Variants in SPTBN5 observed in about 807,000 individuals in gnomAD.
The protein encoded by SPTBN5 is spectrin beta chain, non-erythrocytic 5.
In SPTBN5, 513 loss-of-function variants were observed where a neutral mutation model predicts 477.6. The observed-to-expected ratio is 1.07, with a 90% CI of 1.00 to 1.16. SPTBN5 has a LOEUF of 1.16. SPTBN5 is among the 50% of genes most tolerant of loss of function. The pLI is 0.00. For synonymous variants in SPTBN5, 2,169 were observed against 2,011.7 expected, an observed-to-expected ratio of 1.08 and a Z score of -2.09; for missense variants, 5,062 against 4,731.8, an observed-to-expected ratio of 1.07 and a Z score of -2.05.
chr15:41,865,413 T>G (rs1392173354), intron 39 of SPTBN5, among the ~76,000 whole-genome samples: 1 of 152,192 alleles, frequency 6.6e-6, no homozygotes, highest in East Asian at 1.9e-4. Flanking sequence ...CCAGCTTCCC[T>G]TACAGCAGCA....
chr15:41,875,118 C>T (rs375331469), intron 22 of SPTBN5, 62 bp from the exon 23 acceptor site: 19 of 1,475,672 alleles, frequency 1.3e-5, no homozygotes, highest in African/African-American at 4.2e-5. Context: ...GTGGCCTTCC[C>T]GGGCTCTGGG....
rs528143895 is a variant in SPTBN5 at position 41,860,656 on chromosome 15, G to A, written c.7918C>T (p.Arg2640Cys). 77 of 1,560,198 alleles carry A rather than the reference G, an allele frequency of 4.9e-5. 1 individual carries two copies. The South Asian group carries it at 8.0e-4, about 16-fold the overall frequency. Residue 2640 changes from arginine to cysteine, a missense_variant, in exon 47 of 68, where the codon CGC becomes TGC. Transcript: ENST00000320955. ...GKISALEATA[R>C]GLHQGGHPEA... Reference sequence around the variant, plus strand: ...GGGTGCCCACCCTGGTGCAGGCCGCGGGCCGTGGCCTCCAGAGCACTGATC... The same window carrying A: ...GGGTGCCCACCCTGGTGCAGGCCGCAGGCCGTGGCCTCCAGAGCACTGATC...
chr15:41,870,190 A>G, intron 31 of SPTBN5, 53 bp downstream of exon 31: 2 of 1,518,424 alleles, frequency 1.3e-6, no homozygotes, highest in East Asian at 4.9e-5. Flanking sequence ...CAGGCAGGCC[A>G]GCCTGAGGGG....
At position 41,886,040 on chromosome 15, in the gene SPTBN5, C is replaced by T; in HGVS notation, c.1215G>A (p.Trp405Ter). 1 of 1,570,006 alleles carries T rather than the reference C, an allele frequency of 6.4e-7. No individual in the cohort carries two copies. Residue 405 changes from tryptophan (W) to a stop codon, truncating the protein, a stop_gained, in exon 7 of 68, where the codon TGG (tryptophan) becomes TGA (stop). Transcript: ENST00000320955. LOFTEE classifies it high-confidence loss of function. Reference sequence around the variant, plus strand: ...GGGCCTGGCTCCTTGCAGCCTCTGCCCACTCCAGCCCTGCCCAGCACTGGG... The same window carrying T: ...GGGCCTGGCTCCTTGCAGCCTCTGCTCACTCCAGCCCTGCCCAGCACTGGG... ...ELSQCWAGLE[W>*]AEAARSQALQ... is the part of the protein sequence containing the mutation.
At chr15:41,857,145 G>A (rs1367037368) in intron 51 of SPTBN5, 93 bp downstream of exon 51, 9 of 1,514,344 alleles carry the variant, frequency 5.9e-6, no homozygotes, top group South Asian at 2.6e-5. Flanking sequence ...CATGGGCAAG[G>A]GGAGAAAGTG....
At chr15:41,892,061 C>T (rs1648808) in intron 3 of SPTBN5, among the ~76,000 whole-genome samples, 8,927 of 152,202 alleles carry the variant, frequency 0.059, 910 homozygotes, top group African/African-American at 0.2. Context: ...GCTCTTGCAC[C>T]TGCTCAGGAC....
At chr15:41,875,394 C>A (rs559129588) in intron 22 of SPTBN5, 64 bp downstream of exon 22, 4 of 1,536,592 alleles carry the variant, frequency 2.6e-6, no homozygotes, top group Non-Finnish European at 3.5e-6. Context: ...TCTCCCTCCC[C>A]GTTCTGTCCA....
At position 41,876,597 on chromosome 15, in the gene SPTBN5, C is replaced by T; in HGVS notation, c.3902G>A (p.Gly1301Glu). The T allele has an allele frequency of 6.2e-7, 1 of 1,607,912 alleles. No individual in the cohort carries two copies. The highest frequency in any genetic ancestry group is 8.5e-7 in the Non-Finnish European group (1 of 1,177,720). The stretch of plus-strand genomic sequence containing the variant: ...CTGCCTCCTCCTCTGCTCACTCCTC[C>T]CCTGGAGCCTGGTCCACTGTGCCTG... Reference protein sequence around the residue: ...SIQAQWTRLQGRSEQRRRQLL... With the variant: ...SIQAQWTRLQERSEQRRRQLL... The change falls in exon 20 of 68, where the codon GGG becomes GAG. Residue 1301 changes from glycine (G) to glutamate (E), a missense_variant. Coordinates refer to ENST00000320955, the MANE Select transcript of SPTBN5 (RefSeq NM_016642.4).
chr15:41,867,778 G>T, intron 34 of SPTBN5, 136 bp from the exon 35 acceptor site: 3 of 896,508 alleles, frequency 3.3e-6, no homozygotes, highest in Non-Finnish European at 5.4e-6. Flanking sequence ...GAGCTGTGAG[G>T]AGTGGGAGTC....
rs760141535 is a variant in SPTBN5, at chr15:41,876,147, G to T, written c.4089C>A (p.Leu1363=). ...KRHEAAESEL[L]ATRRHVEALQ... ...GGGCCTCCACGTGTCTGCGGGTGGCGAGTAGCTCGCTCTCAGCTGCTTCGT... is the reference window on the plus strand; with the variant it reads ...GGGCCTCCACGTGTCTGCGGGTGGCTAGTAGCTCGCTCTCAGCTGCTTCGT... The change falls in exon 21 of 68, where the codon CTC becomes CTA. Residue 1363 remains leucine (L), a synonymous_variant. Coordinates refer to ENST00000320955, the MANE Select transcript of SPTBN5 (RefSeq NM_016642.4). The T allele has an allele frequency of 7.9e-5, 127 of 1,603,728 alleles. No individual in the cohort carries two copies. The highest frequency in any genetic ancestry group is 1.0e-4 in the Non-Finnish European group (120 of 1,179,342).
rs776971366 is a variant in SPTBN5, at chr15:41,870,415, A to T, written c.5562+31T>A. The stretch of plus-strand genomic sequence containing the variant: ...AGCGTGGGCACTGAGCCTGGAGTGT[A>T]TCCACTTCTAGCCACCCCTCCGGCT... On this transcript the variant is annotated intron_variant, in intron 30 of 67. Coordinates refer to ENST00000320955, the MANE Select transcript of SPTBN5 (RefSeq NM_016642.4). 8 of 1,611,388 alleles carry T rather than the reference A, an allele frequency of 5.0e-6. No homozygotes were observed. In the South Asian group the frequency reaches 8.8e-5, roughly 18 times the overall value.
rs1455628369 is a variant in SPTBN5 at position 41,862,329 on chromosome 15, C to G, written c.7386-37G>C. The G allele has an allele frequency of 3.8e-6, 6 of 1,561,074 alleles. No individual in the cohort carries two copies. The African/African-American group carries it at 6.8e-5, about 18-fold the overall frequency. Reference sequence around the variant, plus strand: ...GCTCATCAGCTAGTCGTCAGGCCTTCAAACCCCTCTCCCCCATGCCCACTG... The same window carrying G: ...GCTCATCAGCTAGTCGTCAGGCCTTGAAACCCCTCTCCCCCATGCCCACTG... On this transcript the variant is annotated intron_variant, in intron 43 of 67. Coordinates refer to ENST00000320955, the MANE Select transcript of SPTBN5 (RefSeq NM_016642.4).
chr15:41,874,085 A>G (rs767660516), intron 24 of SPTBN5, 40 bp from the exon 25 acceptor site: 3 of 1,552,798 alleles, frequency 1.9e-6, no homozygotes, highest in Admixed American at 3.8e-5. Flanking sequence ...CTCTTAACCC[A>G]GGGGCGTCCG....
intron 8 of SPTBN5, 21 bp downstream of exon 8, chr15:41,883,327 G>T (rs1370963147): frequency 2.5e-6 from 4 of 1,611,610 alleles, no homozygotes; most frequent in South Asian, 2.2e-5. Context: ...TTTCCCAAGG[G>T]CCTGCTGGTC....
At chr15:41,852,041 T>G in intron 62 of SPTBN5, 141 bp downstream of exon 62, 1 of 1,090,528 alleles carries the variant, frequency 9.2e-7, no homozygotes, top group Middle Eastern at 3.1e-4. Flanking sequence ...GCCATCTTTA[T>G]TCCTAATGAC....
chr15:41,862,029 G>T, intron 44 of SPTBN5, 101 bp downstream of exon 44: 1 of 1,514,506 alleles, frequency 6.6e-7, no homozygotes. Flanking sequence ...AGATAGGCAG[G>T]GCGGGACACT....
Position 41,892,949 on chromosome 15 carries a change from A to T in SPTBN5, c.329T>A (p.Leu110Gln), listed in dbSNP as rs753811197. The T allele has an allele frequency of 3.1e-6, 5 of 1,608,698 alleles. No homozygotes were observed. Among genetic ancestry groups the T allele is most frequent in the Non-Finnish European group, 3.4e-6 (4 of 1,179,692 alleles). ...EALPPPSRGR[L>Q]RVHFLENSSR... ...GCTGTTCTCCAGGAAGTGCACACGC[A>T]GGCGGCCCCGGCTCGGGGGTGGCAG... The change falls in exon 3 of 68, where the codon CTG (leucine) becomes CAG (glutamine). Residue 110 changes from leucine (L) to glutamine (Q), a missense_variant. Transcript: ENST00000320955.
intron 33 of SPTBN5, 63 bp downstream of exon 33, chr15:41,868,335 C>G (rs1454997112): frequency 4.1e-5 from 65 of 1,566,564 alleles, no homozygotes; most frequent in Non-Finnish European, 5.5e-5. Flanking sequence ...GACGGGGCAC[C>G]AGGTGGCCAG....
At position 41,892,725 on chromosome 15, in the gene SPTBN5, G is replaced by A. The variant is rs184606950; in HGVS notation, c.384+169C>T. The A allele has an allele frequency of 1.9e-4, 137 of 704,676 alleles. 1 individual carries two copies. The East Asian group carries it at 3.6e-3, about 18-fold the overall frequency. The allele number at this position is 704,676 out of a possible 1,614,324, so 43.7% of individuals were successfully genotyped here. On this transcript the variant is annotated intron_variant, in intron 3 of 67. Coordinates refer to ENST00000320955, the MANE Select transcript of SPTBN5 (RefSeq NM_016642.4). ...GCTCTCCAAGTCAGGGGTGCTGTGC[G>A]AGGAGGGCGTGGCTTCTGCTCCTCT...
Sources: gnomAD v4.1 joint callset for allele counts (sites outside exome capture counted in the v4.1 genomes callset) on GRCh38, gnomAD v4.1.1 for gene constraint, MANE v1.5 for transcripts, NCBI Gene and HGNC (gene_info 2026-07-23, HGNC 2026-07-21) for gene names.